Variants in NLGN2 observed in about 807,000 individuals in gnomAD.
NLGN2 encodes neuroligin-2.
A neutral mutation model predicts 48.6 loss-of-function variants in NLGN2; 11 were observed. The observed-to-expected ratio is 0.23, with a 90% CI of 0.14 to 0.37. NLGN2 has a LOEUF of 0.37. Among genes scored for constraint, NLGN2 ranks in the 10% least tolerant of loss-of-function variants. The pLI is 1.00. For missense variants in NLGN2, 801 were observed against 1,225.2 expected (o/e 0.65, Z 5.17); for synonymous variants, 548 against 550.0 (o/e 1.00, Z 0.05).
intron 1 of NLGN2, among the ~76,000 whole-genome samples, chr17:7,410,685 C>T (rs184675473): frequency 1.8e-4 from 27 of 152,350 alleles, no homozygotes; most frequent in Admixed American, 1.8e-3. Flanking sequence ...ACCCCTGCCC[C>T]CACACCACCC....
At position 7,416,050 on chromosome 17, in the gene NLGN2, A is replaced by G; in HGVS notation, c.1577A>G (p.Asn526Ser). The G allele has an allele frequency of 7.1e-7, 1 of 1,407,184 alleles. No individual in the cohort carries two copies. The highest frequency in any genetic ancestry group is 1.1e-5 in the South Asian group (1 of 88,694). The allele number at this position is 1,407,184 out of a possible 1,614,324, so 87.2% of individuals were successfully genotyped here. Residue 526 changes from asparagine to serine, a missense_variant, in exon 6 of 7, where the codon AAT becomes AGT. Physicochemically the swap from Asn to Ser is conservative, Grantham distance 46. Around this residue, in one of 5 missense-constraint regions of NLGN2, gnomAD observed 303 missense variants for 600.1 expected, o/e 0.50. Coordinates refer to ENST00000302926, the MANE Select transcript of NLGN2 (RefSeq NM_020795.4). ...CTCTTCCCCTGTAACTTCTCCAAGA[A>G]TGACGTCATGCTCAGTGCCGTGGTC... is the stretch of plus-strand genomic sequence containing the variant. The part of the protein sequence containing the change: ...TDLFPCNFSK[N>S]DVMLSAVVMT...
intron 6 of NLGN2, 32 bp downstream of exon 6, chr17:7,416,139 C>T (rs370146381): frequency 2.7e-4 from 153 of 568,498 alleles, no homozygotes; most frequent in Admixed American, 1.5e-3. Flanking sequence ...CGGGGCTGGG[C>T]GGGGCCCTCC....
chr17:7,416,914 C>CTG lies in NLGN2; in HGVS notation c.1635-9_1635-8dup. The CTG allele has an allele frequency of 7.4e-6, 12 of 1,613,388 alleles. No homozygotes were observed. The highest frequency in any genetic ancestry group is 1.0e-5 in the Non-Finnish European group (12 of 1,179,700). On this transcript the variant is annotated splice_polypyrimidine_tract_variant and intron_variant, in intron 6 of 6. Coordinates refer to ENST00000302926, the MANE Select transcript of NLGN2 (RefSeq NM_020795.4). The stretch of plus-strand genomic sequence containing the variant: ...CCTCACTCCTCCTTTCCCTGCCCTC[C>CTG]TGTGCCCACAGGGACCCCAACCAGC...
rs1206859726 is a variant in NLGN2 at position 7,411,126 on chromosome 17, C to G, written c.458-1031C>G. ...GGAAGAAGCCCTGACACTGGGCGAA[C>G]CTGGTGCTCCCGGTACCTGCTGGCA... On this transcript the variant is annotated intron_variant, in intron 1 of 6. Coordinates refer to ENST00000302926, the MANE Select transcript of NLGN2 (RefSeq NM_020795.4). This position sits in a 1 kb window ranked among gnomAD's most constrained non-coding sequence, Gnocchi z 4.5. Among the ~76,000 whole-genome samples the G allele has an allele frequency of 1.6e-4, 24 of 152,250 alleles. 1 individual carries two copies.
chr17:7,410,646 T>C (rs2150813009), intron 1 of NLGN2, among the ~76,000 whole-genome samples: 1 of 152,200 alleles, frequency 6.6e-6, no homozygotes, highest in East Asian at 1.9e-4. Flanking sequence ...CAATGGACTG[T>C]CCACCCCAAC....
In NLGN2 at chr17:7,415,160, G is replaced by T; in HGVS notation, c.1037+12G>T. 6.3e-7 allele frequency: 1 copy of T among 1,582,558 alleles called. No individual in the cohort carries two copies. ...GTGCAGCCTGCCCGGTATGGGGTGG[G>T]AGAGGGCTGGGTCCAGGCCTTCAAG... is the stretch of plus-strand genomic sequence containing the variant. On this transcript the variant is annotated intron_variant, in intron 5 of 6. Coordinates refer to ENST00000302926, the MANE Select transcript of NLGN2 (RefSeq NM_020795.4).
At position 7,408,215 on chromosome 17, in the gene NLGN2, G is replaced by GGGGGGGGTCCCAGGGAGGGA. The variant is rs1906728257; in HGVS notation, c.-29_-10dup. ...CCCCCCCTTCTCTCTCTCTCCGAGG[G>GGGGGGGGTCCCAGGGAGGGA]GGGGGGGTCCCAGGGAGGGAGGGGG... On this transcript the variant is annotated 5_prime_UTR_variant, in exon 1 of 7. Transcript: ENST00000302926. The surrounding 1 kb of genome is among the most constrained non-coding windows in gnomAD (Gnocchi z 7.5). 3 of 1,114,186 alleles carry GGGGGGGGTCCCAGGGAGGGA rather than the reference G, an allele frequency of 2.7e-6. No individual in the cohort carries two copies. Among genetic ancestry groups the GGGGGGGGTCCCAGGGAGGGA allele is most frequent in the Non-Finnish European group, 3.5e-6 (3 of 858,294 alleles). The allele number at this position is 1,114,186 out of a possible 1,614,324, so 69.0% of individuals were successfully genotyped here.
rs1046271016 is a variant in NLGN2, at chr17:7,418,753, G to A, written c.*954G>A. ...AGGCCCGGCCCTTGCTCCCGAGTTG[G>A]GGGGAGGGGGTGTGGCAACGTGCCC... On this transcript the variant is annotated 3_prime_UTR_variant, in exon 7 of 7. Transcript: ENST00000302926. 1.3e-5 allele frequency: 2 copies of A among 152,550 alleles called. No individual in the cohort carries two copies. Among genetic ancestry groups the A allele is most frequent in the Admixed American group, 1.3e-4 (2 of 15,282 alleles). The allele number at this position is 152,550 out of a possible 1,614,324, so 9.4% of individuals were successfully genotyped here.
rs994552395 is a variant in NLGN2, at chr17:7,407,896, C to T, written c.-360C>T. 7.0e-5 allele frequency: 12 copies of T among 172,636 alleles called. No individual in the cohort carries two copies. Among genetic ancestry groups the T allele is most frequent in the African/African-American group, 2.6e-4 (11 of 42,244 alleles). 10.7% of individuals were successfully genotyped at this position (172,636 alleles called of 1,614,324 possible). A position where few individuals can be genotyped will look rare whatever the true frequency, so the allele number is the denominator to read the frequency against. ...TAACCACTTGTCTCTTCTGTTTCCCCATTCCTTTCTGTCTGCCCCATCCAA... is the reference window on the plus strand; with the variant it reads ...TAACCACTTGTCTCTTCTGTTTCCCTATTCCTTTCTGTCTGCCCCATCCAA... On this transcript the variant is annotated 5_prime_UTR_variant, in exon 1 of 7. Coordinates refer to ENST00000302926, the MANE Select transcript of NLGN2 (RefSeq NM_020795.4).
intron 6 of NLGN2, among the ~76,000 whole-genome samples, chr17:7,416,519 T>G (rs149150473): frequency 6.6e-6 from 1 of 152,284 alleles, no homozygotes; most frequent in East Asian, 1.9e-4. Context: ...CTGCTCTCTT[T>G]TGTCTGCTTA....
In NLGN2 at chr17:7,408,211, G is replaced by T; in HGVS notation, c.-45G>T. 1.8e-6 allele frequency: 2 copies of T among 1,087,584 alleles called. No individual in the cohort carries two copies. Among genetic ancestry groups the T allele is most frequent in the Non-Finnish European group, 2.4e-6 (2 of 837,216 alleles). 67.4% of individuals were successfully genotyped at this position (1,087,584 alleles called of 1,614,324 possible). A position where few individuals can be genotyped will look rare whatever the true frequency, so the allele number is the denominator to read the frequency against. ...CTCTCCCCCCCTTCTCTCTCTCTCCGAGGGGGGGGGGTCCCAGGGAGGGAG... is the reference window on the plus strand; with the variant it reads ...CTCTCCCCCCCTTCTCTCTCTCTCCTAGGGGGGGGGGTCCCAGGGAGGGAG... On this transcript the variant is annotated 5_prime_UTR_variant, in exon 1 of 7. Coordinates refer to ENST00000302926, the MANE Select transcript of NLGN2 (RefSeq NM_020795.4). The surrounding 1 kb of genome is among the most constrained non-coding windows in gnomAD (Gnocchi z 7.5).
At position 7,408,856 on chromosome 17, in the gene NLGN2, A is replaced by C. The variant is rs532613025; in HGVS notation, c.457+144A>C. The C allele has an allele frequency of 2.1e-6, 3 of 1,442,258 alleles. No homozygotes were observed. Among genetic ancestry groups the C allele is most frequent in the East Asian group, 2.4e-5 (1 of 41,382 alleles). The allele number at this position is 1,442,258 out of a possible 1,614,324, so 89.3% of individuals were successfully genotyped here. A position where few individuals can be genotyped will look rare whatever the true frequency, so the allele number is the denominator to read the frequency against. ...GGGACGGAGTGTCCCTGCAACCTCT[A>C]CGTGCCCCCTGAGGATTGTAAGGGT... On this transcript the variant is annotated intron_variant, in intron 1 of 6. Transcript: ENST00000302926. The surrounding 1 kb of genome is among the most constrained non-coding windows in gnomAD (Gnocchi z 7.5).
upstream of NLGN2, among the ~76,000 whole-genome samples, chr17:7,406,618 G>A (rs1320495325): frequency 2.9e-5 from 4 of 138,202 alleles, no homozygotes; most frequent in African/African-American, 7.8e-5. Context: ...TGAAAACCCC[G>A]CGTCAGCAAA....
chr17:7,415,303 C>T (rs900045276), intron 5 of NLGN2, among the ~76,000 whole-genome samples, 155 bp downstream of exon 5: 4 of 152,202 alleles, frequency 2.6e-5, no homozygotes, highest in African/African-American at 9.7e-5. Context: ...TGGAGGTGCT[C>T]AATCAGAGCA....
intron 6 of NLGN2, 112 bp downstream of exon 6, chr17:7,416,219 C>A: frequency 2.5e-6 from 2 of 815,570 alleles, no homozygotes; most frequent in Non-Finnish European, 4.1e-6. Context: ...CGAGTGAAAC[C>A]AACCCAGACA....
intron 6 of NLGN2, among the ~76,000 whole-genome samples, chr17:7,416,666 G>T (rs1441970657): frequency 6.6e-6 from 1 of 152,036 alleles, no homozygotes; most frequent in Non-Finnish European, 1.5e-5. Flanking sequence ...CTCTGTGTGT[G>T]TCCCTGCCCC....
At chr17:7,409,431 C>G (rs1455008897) in intron 1 of NLGN2, among the ~76,000 whole-genome samples, 2 of 152,084 alleles carry the variant, frequency 1.3e-5, no homozygotes, top group Admixed American at 6.6e-5. Flanking sequence ...CTGGCACATT[C>G]CTTCTGGACA....
Position 7,417,147 on chromosome 17 carries a change from C to A in NLGN2, c.1856C>A (p.Thr619Asn), listed in dbSNP as rs1157751773. ...HNLHTELFTT[T>N]TRLPPYATRW... is the part of the protein sequence containing the mutation. ...CTGCACACGGAGCTCTTCACCACCACCACGCGCCTGCCTCCCTACGCCACG... is the reference window on the plus strand; with the variant it reads ...CTGCACACGGAGCTCTTCACCACCAACACGCGCCTGCCTCCCTACGCCACG... Residue 619 changes from threonine to asparagine, a missense_variant, in exon 7 of 7, where the codon ACC (threonine) becomes AAC (asparagine). Physicochemically the swap from Thr to Asn is moderately conservative, Grantham distance 65 (BLOSUM62 0). Transcript: ENST00000302926. The A allele has an allele frequency of 6.2e-7, 1 of 1,607,260 alleles. No homozygotes were observed. The highest frequency in any genetic ancestry group is 8.5e-7 in the Non-Finnish European group (1 of 1,178,964).
In NLGN2 at chr17:7,408,492, GGGCGCCCGCCGCTTCCAGCCGCCTGA is replaced by G; in HGVS notation, c.248_273del (p.Arg83LeufsTer69). ...GCGTGCCCTACGCCACGCCGCCCCT[GGGCGCCCGCCGCTTCCAGCCGCCTGA>G]GGCGCCCGCCTCGTGGCCCGGCGTG... is the stretch of plus-strand genomic sequence containing the variant. On this transcript the variant is annotated frameshift_variant, in exon 1 of 7. Transcript: ENST00000302926. LOFTEE classifies it high-confidence loss of function. This position sits in a 1 kb window ranked among gnomAD's most constrained non-coding sequence, Gnocchi z 7.5. 1 of 1,497,426 alleles carries G rather than the reference GGGCGCCCGCCGCTTCCAGCCGCCTGA, an allele frequency of 6.7e-7. No individual in the cohort carries two copies. The highest frequency in any genetic ancestry group is 8.9e-7 in the Non-Finnish European group (1 of 1,127,960). The allele number at this position is 1,497,426 out of a possible 1,614,324, so 92.8% of individuals were successfully genotyped here. A position where few individuals can be genotyped will look rare whatever the true frequency, so the allele number is the denominator to read the frequency against.
Sources: allele counts gnomAD v4.1 joint callset (sites outside exome capture counted in the v4.1 genomes callset), GRCh38; gene constraint gnomAD v4.1.1; regional missense constraint gnomAD v4.1.1; non-coding constraint Gnocchi (gnomAD v3.1); transcripts MANE v1.5; gene names NCBI Gene and HGNC (gene_info 2026-07-23, HGNC 2026-07-21).